WARS2: variants seen among roughly 807,000 people sequenced by gnomAD.
The protein encoded by WARS2 is tryptophanyl tRNA synthetase 2, mitochondrial.
Under a neutral mutation model 36.5 loss-of-function variants are expected in WARS2, and 28 were observed. The observed-to-expected ratio is 0.77, with a 90% confidence interval of 0.57 to 1.05. WARS2 has a LOEUF of 1.05. WARS2 is among the 50% of genes least tolerant of loss of function. WARS2 has a pLI of 0.00. For synonymous variants in WARS2, 174 were observed against 178.4 expected (o/e 0.98, Z 0.20); for missense variants, 435 against 456.8 (o/e 0.95, Z 0.44).
At chr1:119,119,201 T>A (rs1231379192) in intron 1 of WARS2, among the ~76,000 whole-genome samples, 1 of 151,862 alleles carries the variant, frequency 6.6e-6, no homozygotes, top group Non-Finnish European at 1.5e-5. Flanking sequence ...ACGTAAAGAC[T>A]CACATAAAGT....
chr1:119,068,718 G>C (rs1448469340), intron 2 of WARS2, among the ~76,000 whole-genome samples: 1 of 152,160 alleles, frequency 6.6e-6, no homozygotes, highest in African/African-American at 2.4e-5. Flanking sequence ...CAGGCCTGCT[G>C]GCTTGCTAGA....
intron 1 of WARS2, among the ~76,000 whole-genome samples, chr1:119,090,503 A>T (rs1652967545): frequency 6.6e-6 from 1 of 152,238 alleles, no homozygotes; most frequent in Non-Finnish European, 1.5e-5. Flanking sequence ...AAATGGGAGT[A>T]ATGATTTCCT....
intron 1 of WARS2, among the ~76,000 whole-genome samples, chr1:119,107,446 T>G (rs1208996858): frequency 6.6e-6 from 1 of 152,076 alleles, no homozygotes; most frequent in East Asian, 1.9e-4. Flanking sequence ...CATTTTGATT[T>G]AAGTGAAGGG....
At chr1:119,116,446 T>C (rs914722191) in intron 1 of WARS2, among the ~76,000 whole-genome samples, 3 of 152,120 alleles carry the variant, frequency 2.0e-5, no homozygotes, top group African/African-American at 7.2e-5. Flanking sequence ...ATTGTGAACT[T>C]TGGCTCCAAG....
intron 1 of WARS2, among the ~76,000 whole-genome samples, chr1:119,112,921 A>G (rs1215585009): frequency 2.0e-5 from 3 of 152,152 alleles, no homozygotes; most frequent in Non-Finnish European, 4.4e-5. Context: ...GAGACTGCAA[A>G]GGGATTGAGA....
rs1057991 is a variant in WARS2 at position 119,032,547 on chromosome 1, C to A, written c.*364G>T. 0.27 allele frequency: 62,662 copies of A among 229,830 alleles called. 9,600 individuals carry two copies. Among genetic ancestry groups the A allele is most frequent in the African/African-American group, 0.43 (18,594 of 43,344 alleles). 14.2% of individuals were successfully genotyped at this position (229,830 alleles called of 1,614,324 possible). On this transcript the variant is annotated 3_prime_UTR_variant, in exon 6 of 6. Transcript: ENST00000235521. ...TTTATAAAAGGGTTGAAGTAGATAACGTGTGCATCTGTTACAGTAAGTACT... is the reference window on the plus strand; with the variant it reads ...TTTATAAAAGGGTTGAAGTAGATAAAGTGTGCATCTGTTACAGTAAGTACT...
chr1:119,096,105 G>T (rs892983339), intron 1 of WARS2, among the ~76,000 whole-genome samples: 1 of 152,084 alleles, frequency 6.6e-6, no homozygotes, highest in African/African-American at 2.4e-5. Context: ...TAAAATTCAA[G>T]GACATTTCTT....
intron 2 of WARS2, among the ~76,000 whole-genome samples, chr1:119,059,210 T>C (rs1650156764): frequency 6.6e-6 from 1 of 152,138 alleles, no homozygotes. Context: ...TATTAGCCCT[T>C]TGTCAGATGA....
At chr1:119,122,883 G>GA (rs1655416213) in intron 1 of WARS2, among the ~76,000 whole-genome samples, 1 of 152,096 alleles carries the variant, frequency 6.6e-6, no homozygotes, top group Non-Finnish European at 1.5e-5. Context: ...GGGACTTGGG[G>GA]AAATGGGTGT....
intron 2 of WARS2, among the ~76,000 whole-genome samples, chr1:119,062,514 T>A (rs1022682160): frequency 6.6e-6 from 1 of 152,208 alleles, no homozygotes; most frequent in African/African-American, 2.4e-5. Flanking sequence ...TCCCATATTT[T>A]AAATTTTTGC....
At chr1:119,056,413 C>G (rs1018133819) in intron 2 of WARS2, among the ~76,000 whole-genome samples, 1 of 150,550 alleles carries the variant, frequency 6.6e-6, no homozygotes, top group Admixed American at 6.6e-5. Flanking sequence ...TTCCTTCTTT[C>G]TTTTGGTTCA....
rs1357577261 is a variant in WARS2, at chr1:119,085,838, G to A, written c.91-9231C>T. 12 of 1,610,324 alleles carry A rather than the reference G, an allele frequency of 7.5e-6. No individual in the cohort carries two copies. The East Asian group carries it at 2.7e-4, about 36-fold the overall frequency. ...TCAGCTCATAAGGAAGCCCTCCCAG[G>A]AAGATCCAGGCACTGTCCTTGTACT... is the stretch of plus-strand genomic sequence containing the variant. On this transcript the variant is annotated intron_variant, in intron 1 of 5. Coordinates refer to ENST00000235521, the MANE Select transcript of WARS2 (RefSeq NM_015836.4).
rs756864963 is a variant in WARS2 at position 119,033,098 on chromosome 1, G to A, written c.896C>T (p.Thr299Ile). 2 of 1,614,258 alleles carry A rather than the reference G, an allele frequency of 1.2e-6. No homozygotes were observed. Among genetic ancestry groups the A allele is most frequent in the Non-Finnish European group, 1.7e-6 (2 of 1,180,058 alleles). Reference sequence around the variant, plus strand: ...TGCCACGGCCAGCTTGTAGCGAGCAGTGTTCATGCCCGCGCTGCGGCGCAC... The same window carrying A: ...TGCCACGGCCAGCTTGTAGCGAGCAATGTTCATGCCCGCGCTGCGGCGCAC... ...EVVRRSAGMNTARYKLAVADA... is the reference protein window; with the variant it reads ...EVVRRSAGMNIARYKLAVADA... Residue 299 changes from threonine to isoleucine, a missense_variant, in exon 6 of 6, where the codon ACT (threonine) becomes ATT (isoleucine). Physicochemically the swap from Thr to Ile is moderately conservative, Grantham distance 89 (BLOSUM62 -1). Transcript: ENST00000235521.
intron 2 of WARS2, among the ~76,000 whole-genome samples, chr1:119,075,643 A>G (rs760403716): frequency 7.9e-5 from 12 of 152,204 alleles, no homozygotes; most frequent in Non-Finnish European, 1.3e-4. Flanking sequence ...CTTTGTCCTA[A>G]GGTTAAAGCA....
At chr1:119,122,212 C>T (rs1038325372) in intron 1 of WARS2, among the ~76,000 whole-genome samples, 1 of 152,042 alleles carries the variant, frequency 6.6e-6, no homozygotes, top group Non-Finnish European at 1.5e-5. Context: ...AGCAATCAAT[C>T]CCATCAAAAA....
At chr1:119,109,051 G>C (rs909540621) in intron 1 of WARS2, among the ~76,000 whole-genome samples, 11 of 151,888 alleles carry the variant, frequency 7.2e-5, no homozygotes, top group Admixed American at 1.3e-4. Flanking sequence ...CTGACTACTA[G>C]TTTAATTCCA....
intron 1 of WARS2, among the ~76,000 whole-genome samples, chr1:119,107,128 T>C (rs1654292755): frequency 6.6e-6 from 1 of 152,168 alleles, no homozygotes; most frequent in Non-Finnish European, 1.5e-5. Flanking sequence ...GTTCAGGTCT[T>C]TTGCCCATTT....
chr1:119,045,564 C>G lies in WARS2; in HGVS notation c.429+18G>C. The G allele has an allele frequency of 1.3e-6, 2 of 1,575,342 alleles. No individual in the cohort carries two copies. The highest frequency in any genetic ancestry group is 2.3e-5 in the South Asian group (2 of 86,886). On this transcript the variant is annotated intron_variant, in intron 3 of 5. Transcript: ENST00000235521. ...AATAGCTTCTTGTCTGTTTATTAAT[C>G]AGATTACTGGCATTTACCTTCCACT... is the stretch of plus-strand genomic sequence containing the variant.
chr1:119,033,427 C>T (rs1647616678), intron 5 of WARS2, 68 bp from the exon 6 acceptor site: 1 of 1,578,370 alleles, frequency 6.3e-7, no homozygotes, highest in Non-Finnish European at 8.6e-7. Context: ...CCAAGATGTA[C>T]ACACAGACAG....
Sources: allele counts gnomAD v4.1 joint callset (sites outside exome capture counted in the v4.1 genomes callset), GRCh38; gene constraint gnomAD v4.1.1; transcripts MANE v1.5; gene names NCBI Gene and HGNC (gene_info 2026-07-23, HGNC 2026-07-21).